DGKB: variants seen among roughly 807,000 people sequenced by gnomAD.
DGKB encodes 90 kDa diacylglycerol kinase.
A neutral mutation model predicts 114.3 loss-of-function variants in DGKB; 67 were observed. The ratio of observed to expected loss-of-function variants is 0.59; its 90% CI spans 0.48 to 0.72. The LOEUF is 0.72. Among genes scored for constraint, DGKB ranks in the 30% least tolerant of loss-of-function variants. The pLI is 0.00. For missense variants in DGKB, 907 were observed against 975.2 expected (o/e 0.93, Z 0.93); for synonymous variants, 398 against 323.1 (o/e 1.23, Z -2.49).
intron 20 of DGKB, among the ~76,000 whole-genome samples, chr7:14,515,684 TTCTG>T (rs1367420348): frequency 6.6e-6 from 1 of 152,196 alleles, no homozygotes; most frequent in Non-Finnish European, 1.5e-5. Context: ...AAACTCAACC[TTCTG>T]TCTTTGTCAT....
chr7:14,218,777 C>T (rs936488924), intron 23 of DGKB, among the ~76,000 whole-genome samples: 6 of 151,870 alleles, frequency 4.0e-5, no homozygotes, highest in African/African-American at 1.4e-4. Context: ...ATCATTCACC[C>T]ATTTAAAGTG....
chr7:14,562,893 G>C lies in DGKB; in HGVS notation c.1770+11319C>G, dbSNP rs1007208251. On this transcript the variant is annotated intron_variant, in intron 20 of 25. Coordinates refer to ENST00000402815, the MANE Select transcript of DGKB (RefSeq NM_001350709.2). Reference sequence around the variant, plus strand: ...AAGGCATGATTGTGTTTTGAAATGTGAGGATAGGAGATTTGGGAGGGACCA... The same window carrying C: ...AAGGCATGATTGTGTTTTGAAATGTCAGGATAGGAGATTTGGGAGGGACCA... Among the ~76,000 whole-genome samples, 6 of 152,288 alleles carry C rather than the reference G, an allele frequency of 3.9e-5. No individual in the cohort carries two copies. In the South Asian group the frequency reaches 1.2e-3, roughly 32 times the overall value.
intron 1 of DGKB, among the ~76,000 whole-genome samples, chr7:14,925,912 T>G (rs1174157671): frequency 1.3e-5 from 2 of 151,984 alleles, no homozygotes; most frequent in Non-Finnish European, 2.9e-5. Flanking sequence ...TTTCTTCAGT[T>G]TATCACAGTG....
At chr7:14,900,171 C>A (rs1182856760) in intron 1 of DGKB, among the ~76,000 whole-genome samples, 2 of 152,126 alleles carry the variant, frequency 1.3e-5, no homozygotes, top group South Asian at 2.1e-4. Flanking sequence ...AGTAGTTGAA[C>A]CTACTTCATA....
rs765516569 is a variant in DGKB at position 14,345,261 on chromosome 7, A to C, written c.1926+40T>G. On this transcript the variant is annotated intron_variant, in intron 22 of 25. Coordinates refer to ENST00000402815, the MANE Select transcript of DGKB (RefSeq NM_001350709.2). ...ATATACTAACAACAAAGCTCAAGCC[A>C]TTTCATCATATTACAAAAGAGAATT... is the stretch of plus-strand genomic sequence containing the variant. The C allele has an allele frequency of 5.9e-6, 7 of 1,188,390 alleles. 1 individual carries two copies. In the South Asian group the frequency reaches 9.5e-5, roughly 16 times the overall value. 73.6% of individuals were successfully genotyped at this position (1,188,390 alleles called of 1,614,324 possible).
At chr7:14,627,779 TA>T (rs1427410351) in intron 14 of DGKB, among the ~76,000 whole-genome samples, 1 of 151,608 alleles carries the variant, frequency 6.6e-6, no homozygotes, top group Non-Finnish European at 1.5e-5. Context: ...TCATCTCTAC[TA>T]AAAATACAAA....
chr7:14,474,172 G>C (rs1781827800), intron 21 of DGKB, among the ~76,000 whole-genome samples: 1 of 152,160 alleles, frequency 6.6e-6, no homozygotes, highest in Admixed American at 6.5e-5. Context: ...GAAGGACCTG[G>C]TGGGTGGTAA....
chr7:14,217,592 G>A (rs17764843), intron 23 of DGKB, among the ~76,000 whole-genome samples: 5,598 of 151,352 alleles, frequency 0.037, 127 homozygotes, highest in Middle Eastern at 0.062. Flanking sequence ...CAGTTACACG[G>A]GAAATTAAAA....
chr7:14,870,398 T>C (rs1427975487), intron 1 of DGKB, among the ~76,000 whole-genome samples: 1 of 152,100 alleles, frequency 6.6e-6, no homozygotes, highest in African/African-American at 2.4e-5. Context: ...CTCAGAAAAA[T>C]TTCCCAACCA....
intron 23 of DGKB, among the ~76,000 whole-genome samples, chr7:14,284,263 C>T (rs1800463691): frequency 6.8e-6 from 1 of 147,420 alleles, no homozygotes; most frequent in South Asian, 2.1e-4. Context: ...TGAAAAAATG[C>T]TCACCATCAC....
At chr7:14,707,298 CAGG>C (rs1826459177) in intron 6 of DGKB, among the ~76,000 whole-genome samples, 1 of 149,818 alleles carries the variant, frequency 6.7e-6, no homozygotes, top group South Asian at 2.2e-4. Flanking sequence ...AGACCAATAA[CAGG>C]AGCTGAAATT....
chr7:14,167,305 A>T (rs1163489485), intron 25 of DGKB, among the ~76,000 whole-genome samples: 1 of 151,894 alleles, frequency 6.6e-6, no homozygotes, highest in East Asian at 1.9e-4. Flanking sequence ...CCAATGGAGG[A>T]GACATCTTTT....
intron 20 of DGKB, among the ~76,000 whole-genome samples, chr7:14,548,467 A>C (rs551958404): frequency 6.6e-6 from 1 of 152,308 alleles, no homozygotes; most frequent in East Asian, 1.9e-4. Context: ...AATGGACAGG[A>C]GCTAGCCTTG....
chr7:14,438,044 C>T (rs940602588), intron 21 of DGKB, among the ~76,000 whole-genome samples: 1 of 151,958 alleles, frequency 6.6e-6, no homozygotes, highest in African/African-American at 2.4e-5. Context: ...CACTGCTATA[C>T]TGAAGTTTGA....
intron 21 of DGKB, among the ~76,000 whole-genome samples, chr7:14,414,501 G>A (rs1479946957): frequency 2.6e-5 from 4 of 152,120 alleles, no homozygotes; most frequent in Admixed American, 6.6e-5. Flanking sequence ...ATAATAAAAG[G>A]CAGTAGCTTG....
intron 2 of DGKB, among the ~76,000 whole-genome samples, chr7:14,762,855 A>G (rs1302186180): frequency 6.6e-6 from 1 of 152,146 alleles, no homozygotes; most frequent in Non-Finnish European, 1.5e-5. Context: ...TAAAATTAGA[A>G]TAATGATAGG....
At chr7:14,549,811 AC>A (rs1170753435) in intron 20 of DGKB, among the ~76,000 whole-genome samples, 1 of 152,114 alleles carries the variant, frequency 6.6e-6, no homozygotes, top group African/African-American at 2.4e-5. Context: ...ACATAGTGAA[AC>A]CCCGTCTCTA....
intron 15 of DGKB, among the ~76,000 whole-genome samples, chr7:14,613,859 G>T (rs1268973922): frequency 2.0e-5 from 3 of 152,068 alleles, no homozygotes; most frequent in Non-Finnish European, 4.4e-5. Context: ...GGCATGTGTG[G>T]AATCCATCTT....
chr7:14,366,837 C>T (rs577704836), intron 21 of DGKB, among the ~76,000 whole-genome samples: 4 of 152,062 alleles, frequency 2.6e-5, no homozygotes, highest in African/African-American at 4.8e-5. Context: ...AAGGAACATA[C>T]GTTCTTAATT....
Sources: allele counts gnomAD v4.1 joint callset (sites outside exome capture counted in the v4.1 genomes callset), GRCh38; gene constraint gnomAD v4.1.1; transcripts MANE v1.5; gene names NCBI Gene and HGNC (gene_info 2026-07-23, HGNC 2026-07-21).